The following MED14 variants were observed in gnomAD, a reference collection of about 807,000 sequenced individuals.
MED14 encodes mediator complex subunit 14.
A neutral mutation model predicts 109.0 loss-of-function variants in MED14; 8 were observed. The ratio of observed to expected loss-of-function variants is 0.07; its 90% CI spans 0.04 to 0.13. MED14 has a LOEUF of 0.13. MED14 is among the 10% of genes least tolerant of loss of function. MED14 has a pLI of 1.00. For missense variants in MED14, 711 were observed against 1,142.4 expected, an observed-to-expected ratio of 0.62 and a Z score of 5.44; for synonymous variants, 399 against 408.7, an observed-to-expected ratio of 0.98 and a Z score of 0.29.
At chrX:40,656,086 T>A (rs1022058524) in intron 28 of MED14, among the ~76,000 whole-genome samples, 1 of 109,381 alleles carries the variant, frequency 9.1e-6, no homozygotes, top group African/African-American at 3.3e-5. Flanking sequence ...AATAAATAAA[T>A]AAAAATATAT....
Position 40,703,531 on chromosome X carries a change from T to C in MED14, c.1324A>G (p.Ile442Val), listed in dbSNP as rs767314527. The C allele has an allele frequency of 2.5e-5, 30 of 1,191,616 alleles. No homozygotes were observed. Among genetic ancestry groups the C allele is most frequent in the Non-Finnish European group, 3.4e-5 (30 of 879,975 alleles). Residue 442 changes from isoleucine to valine, a missense_variant, in exon 11 of 31, where the codon ATC becomes GTC. Coordinates refer to ENST00000324817, the MANE Select transcript of MED14 (RefSeq NM_004229.4). ...TCTGAATTACCACAGGGCTCCAAGA[T>C]GGGAACAACAAGAGCTGGGAGTGCA... ...ETALPALVVPILEPCGNSECL... is the reference protein window; with the variant it reads ...ETALPALVVPVLEPCGNSECL...
chrX:40,680,366 C>G lies in MED14; in HGVS notation c.2611-233G>C, dbSNP rs145592348. Among the ~76,000 whole-genome samples, 678 of 111,511 alleles carry G rather than the reference C, an allele frequency of 6.1e-3. 2 individuals are homozygous for G. The highest frequency in any genetic ancestry group is 0.019 in the African/African-American group (590 of 30,655). On this transcript the variant is annotated intron_variant, in intron 20 of 30. Transcript: ENST00000324817. ...AATTATCAGCCTTAGTCATTAAAGA[C>G]AAGTCCCCATGATCTTTTGAAGAGT... is the stretch of plus-strand genomic sequence containing the variant.
intron 16 of MED14, among the ~76,000 whole-genome samples, chrX:40,686,613 A>G (rs1930304811): frequency 8.9e-6 from 1 of 111,802 alleles, no homozygotes; most frequent in African/African-American, 3.3e-5. Flanking sequence ...AGCACTAATG[A>G]CACATGGGTT....
In MED14 at chrX:40,702,079, A is replaced by G. The variant is rs764133940; in HGVS notation, c.1412-836T>C. 6.3e-5 allele frequency among the ~76,000 whole-genome samples: 7 copies of G among 111,915 alleles called. No homozygotes were observed. In the East Asian group the frequency reaches 2.0e-3, roughly 31 times the overall value. ...GCTGTCTATATACAATCTATATACAAGCTAGAAAGAGAGCCTTCATCAGAA... is the reference window on the plus strand; with the variant it reads ...GCTGTCTATATACAATCTATATACAGGCTAGAAAGAGAGCCTTCATCAGAA... On this transcript the variant is annotated intron_variant, in intron 11 of 30. Transcript: ENST00000324817.
intron 16 of MED14, among the ~76,000 whole-genome samples, chrX:40,685,880 T>C (rs1384274415): frequency 2.7e-5 from 3 of 112,159 alleles, no homozygotes; most frequent in Admixed American, 9.5e-5. Flanking sequence ...AGTGTGCCAA[T>C]TTTAAAGCTT....
At chrX:40,717,789 C>T (rs978064793) in intron 3 of MED14, among the ~76,000 whole-genome samples, 5 of 112,333 alleles carry the variant, frequency 4.5e-5, no homozygotes, top group African/African-American at 6.5e-5. Context: ...TCCCAAAGTG[C>T]TGGGATTACA....
At position 40,654,408 on chromosome X, in the gene MED14, C is replaced by T. The variant is rs755290512; in HGVS notation, c.4247G>A (p.Ser1416Asn). 1.4e-5 allele frequency: 17 copies of T among 1,210,068 alleles called. No individual in the cohort carries two copies. Among genetic ancestry groups the T allele is most frequent in the Admixed American group, 2.2e-5 (1 of 45,740 alleles). The change falls in exon 30 of 31, where the codon AGC becomes AAC. Residue 1416 changes from serine (S) to asparagine (N), a missense_variant. By Grantham distance (46) the Ser-to-Asn change is conservative (BLOSUM62 1). Coordinates refer to ENST00000324817, the MANE Select transcript of MED14 (RefSeq NM_004229.4). ...NSSVAAPMMV[S>N]NILKRFAEMN... ...CTCTGCAAACCTCTTCAGAATGTTG[C>T]TGACCATCATGGGAGCAGCAACAGA...
chrX:40,661,040 G>A (rs1361708424), intron 26 of MED14, among the ~76,000 whole-genome samples: 1 of 108,613 alleles, frequency 9.2e-6, no homozygotes, highest in Non-Finnish European at 1.9e-5. Flanking sequence ...TCAGTCTCCC[G>A]AGTAGCTGGA....
chrX:40,672,660 T>G (rs930549614), intron 22 of MED14, among the ~76,000 whole-genome samples: 5 of 112,102 alleles, frequency 4.5e-5, no homozygotes, highest in Non-Finnish European at 7.5e-5. Flanking sequence ...TGATGGCAAA[T>G]AATGTTTGAA....
intron 18 of MED14, among the ~76,000 whole-genome samples, chrX:40,682,297 G>A (rs915149958): frequency 2.7e-5 from 3 of 111,652 alleles, no homozygotes; most frequent in African/African-American, 9.8e-5. Flanking sequence ...TGATTGTGAA[G>A]ATTGTGAAAA....
chrX:40,667,210 T>C (rs1397837779), intron 23 of MED14, among the ~76,000 whole-genome samples: 1 of 112,111 alleles, frequency 8.9e-6, no homozygotes, highest in African/African-American at 3.2e-5. Flanking sequence ...ACAAAGCTTA[T>C]ATTCTAATAG....
intron 25 of MED14, among the ~76,000 whole-genome samples, chrX:40,663,400 C>T (rs1398833180): frequency 1.2e-5 from 1 of 85,817 alleles, no homozygotes; most frequent in Non-Finnish European, 2.3e-5. Context: ...GGGGTGGACT[C>T]TATTTCTCCA....
At chrX:40,727,987 C>G (rs1051634965) in intron 2 of MED14, among the ~76,000 whole-genome samples, 1 of 111,997 alleles carries the variant, frequency 8.9e-6, no homozygotes, top group Non-Finnish European at 1.9e-5. Flanking sequence ...AGAGAAGAAT[C>G]AAGGGCATAA....
intron 12 of MED14, among the ~76,000 whole-genome samples, chrX:40,700,152 A>C (rs1257725560): frequency 9.2e-6 from 1 of 108,870 alleles, no homozygotes; most frequent in Non-Finnish European, 1.9e-5. Context: ...CTGTCTCAAT[A>C]AAAAATAAAT....
intron 28 of MED14, among the ~76,000 whole-genome samples, chrX:40,658,013 G>A (rs1275297179): frequency 9.1e-6 from 1 of 110,123 alleles, no homozygotes; most frequent in Non-Finnish European, 1.9e-5. Flanking sequence ...AAGCTGGTCT[G>A]GAACTCCTGA....
intron 10 of MED14, among the ~76,000 whole-genome samples, chrX:40,707,107 GGATAGATAGATAGATA>G (rs544581828): frequency 6.9e-5 from 7 of 101,327 alleles, no homozygotes; most frequent in South Asian, 4.6e-4. Context: ...ATACATAGAT[GGATAGATAGATAGATA>G]GATAGATAGA....
chrX:40,686,989 C>G (rs1930318003), intron 16 of MED14, among the ~76,000 whole-genome samples: 1 of 111,271 alleles, frequency 9.0e-6, no homozygotes. Context: ...TGCCCATCTC[C>G]TTCTGTATAC....
chrX:40,658,567 A>G (rs1452974486), intron 28 of MED14, among the ~76,000 whole-genome samples: 1 of 109,677 alleles, frequency 9.1e-6, no homozygotes, highest in Non-Finnish European at 1.9e-5. Context: ...TATTTATAAG[A>G]AGGCCACGCA....
At chrX:40,703,370 C>A in intron 11 of MED14, 74 bp downstream of exon 11, 1 of 942,011 alleles carries the variant, frequency 1.1e-6, no homozygotes, top group Non-Finnish European at 1.5e-6. Flanking sequence ...TACCTAATGA[C>A]AGAAAATGTT....
Sources: allele counts gnomAD v4.1 joint callset (sites outside exome capture counted in the v4.1 genomes callset), GRCh38; gene constraint gnomAD v4.1.1; transcripts MANE v1.5; gene names NCBI Gene and HGNC (gene_info 2026-07-23, HGNC 2026-07-21).